COL23A1: variants seen among roughly 807,000 people sequenced by gnomAD.
The protein encoded by COL23A1 is collagen type XXIII alpha 1 chain.
In COL23A1, 97 loss-of-function variants were observed where a neutral mutation model predicts 99.3. The ratio of observed to expected loss-of-function variants is 0.98; its 90% confidence interval spans 0.83 to 1.16. The LOEUF (loss-of-function observed/expected upper bound fraction) is 1.16, where lower values mean the gene tolerates loss of function less well. Ranked by LOEUF, COL23A1 falls within the 50% of genes most tolerant of loss-of-function variation. COL23A1 has a pLI of 0.00. For missense variants in COL23A1, 762 were observed against 757.4 expected, an observed-to-expected ratio of 1.01 and a Z score of -0.07; for synonymous variants, 320 against 308.2, an observed-to-expected ratio of 1.04 and a Z score of -0.40.
chr5:178,249,057 A>G, intron 19 of COL23A1, 60 bp downstream of exon 19: 4 of 1,555,984 alleles, frequency 2.6e-6, no homozygotes, highest in Non-Finnish European at 3.5e-6. Context: ...CGGGGGGCAC[A>G]CAGTCACCTC....
intron 1 of COL23A1, among the ~76,000 whole-genome samples, chr5:178,562,441 C>G (rs1163950405): frequency 6.6e-6 from 1 of 150,802 alleles, no homozygotes; most frequent in Non-Finnish European, 1.5e-5. Flanking sequence ...GTAGTCCCAG[C>G]TTACCCCAGA....
intron 4 of COL23A1, among the ~76,000 whole-genome samples, chr5:178,288,776 G>T (rs2127584305): frequency 6.7e-6 from 1 of 149,828 alleles, no homozygotes; most frequent in East Asian, 2.1e-4. Flanking sequence ...AAGAAAGAGA[G>T]CCTTAGAAGC....
intron 2 of COL23A1, among the ~76,000 whole-genome samples, chr5:178,399,855 C>CA (rs1242303913): frequency 6.6e-6 from 1 of 152,194 alleles, no homozygotes; most frequent in Non-Finnish European, 1.5e-5. Context: ...ATTGTTCTCT[C>CA]AGTTAGAATA....
At chr5:178,536,174 C>T (rs1279325168) in intron 2 of COL23A1, among the ~76,000 whole-genome samples, 2 of 152,258 alleles carry the variant, frequency 1.3e-5, no homozygotes, top group Non-Finnish European at 2.9e-5. Context: ...GCCATTCCCA[C>T]AAGGTTGTCG....
chr5:178,421,941 T>G lies in COL23A1; in HGVS notation c.362-115022A>C, dbSNP rs529512068. The stretch of plus-strand genomic sequence containing the variant: ...TTGTGAGGTGAAGAACGCCGGGGGG[T>G]GGAGTGAATATGGGCGGGGCTGAGG... On this transcript the variant is annotated intron_variant, in intron 2 of 28. Coordinates refer to ENST00000390654, the MANE Select transcript of COL23A1 (RefSeq NM_173465.4). 1.3e-4 allele frequency among the ~76,000 whole-genome samples: 19 copies of G among 151,052 alleles called. 1 individual carries two copies. The highest frequency in any genetic ancestry group is 4.7e-4 in the African/African-American group (19 of 40,754).
intron 2 of COL23A1, among the ~76,000 whole-genome samples, chr5:178,400,406 T>C (rs1338814579): frequency 2.2e-5 from 3 of 136,636 alleles, no homozygotes; most frequent in East Asian, 4.4e-4. Context: ...TGGAATAAAA[T>C]GCATTCTTTT....
chr5:178,548,331 A>G (rs1761821478), intron 2 of COL23A1, among the ~76,000 whole-genome samples: 1 of 151,930 alleles, frequency 6.6e-6, no homozygotes, highest in South Asian at 2.1e-4. Flanking sequence ...TCCCACAGTC[A>G]TGCCAAAATT....
At chr5:178,400,769 C>T (rs980160870) in intron 2 of COL23A1, among the ~76,000 whole-genome samples, 1 of 152,030 alleles carries the variant, frequency 6.6e-6, no homozygotes, top group African/African-American at 2.4e-5. Context: ...TTCCAAGTAC[C>T]TGGGATTACA....
chr5:178,496,234 A>G (rs1281940242), intron 2 of COL23A1, among the ~76,000 whole-genome samples: 1 of 152,164 alleles, frequency 6.6e-6, no homozygotes, highest in African/African-American at 2.4e-5. Flanking sequence ...TCTCTGGGGA[A>G]ATGTCTTAGT....
At chr5:178,369,177 G>A (rs1762663149) in intron 2 of COL23A1, among the ~76,000 whole-genome samples, 1 of 152,328 alleles carries the variant, frequency 6.6e-6, no homozygotes, top group South Asian at 2.1e-4. Context: ...GCCTCAGGGA[G>A]GCTGGCTTGG....
intron 15 of COL23A1, 73 bp downstream of exon 15, chr5:178,256,280 G>C: frequency 8.8e-7 from 1 of 1,133,136 alleles, no homozygotes; most frequent in Non-Finnish European, 1.2e-6. Flanking sequence ...GTCTCTGTGG[G>C]GACAGGGGCT....
chr5:178,250,090 G>A lies in COL23A1; in HGVS notation c.1030C>T (p.Pro344Ser), dbSNP rs760031078. 6.2e-7 allele frequency: 1 copy of A among 1,614,174 alleles called. No homozygotes were observed. The highest frequency in any genetic ancestry group is 1.7e-5 in the Admixed American group (1 of 60,026). The change falls in exon 18 of 29, where the codon CCC becomes TCC. Residue 344 changes from proline to serine, a missense_variant. Physicochemically the swap from Pro to Ser is moderately conservative, Grantham distance 74. Coordinates refer to ENST00000390654, the MANE Select transcript of COL23A1 (RefSeq NM_173465.4). ...TCTCCATCGATTCCTGGGGCACCGG[G>A]CAATCCAAGCTCGCCCTGGAAGGGA... ...IPGAKGELGL[P>S]GAPGIDGEKG...
intron 2 of COL23A1, among the ~76,000 whole-genome samples, chr5:178,429,012 C>T (rs1766104365): frequency 6.6e-6 from 1 of 152,104 alleles, no homozygotes; most frequent in Admixed American, 6.5e-5. Context: ...TGCGGGTGTA[C>T]CTTCTTTTCT....
intron 2 of COL23A1, among the ~76,000 whole-genome samples, chr5:178,380,319 G>A (rs13171980): frequency 0.034 from 5,121 of 152,204 alleles, 124 homozygotes; most frequent in Non-Finnish European, 0.046. Context: ...ACACCAAGGC[G>A]GGGCCCAGCA....
intron 2 of COL23A1, among the ~76,000 whole-genome samples, chr5:178,521,188 C>A (rs1045665259): frequency 2.0e-5 from 3 of 152,208 alleles, no homozygotes; most frequent in African/African-American, 7.2e-5. Flanking sequence ...GGACCACCAT[C>A]ATATATGTGG....
At chr5:178,252,651 CG>C in intron 16 of COL23A1, 54 bp from the exon 17 acceptor site, 1 of 1,502,822 alleles carries the variant, frequency 6.7e-7, no homozygotes, top group Non-Finnish European at 9.1e-7. Context: ...GGCCTCCCTT[CG>C]CTACCCATCC....
chr5:178,311,087 G>C lies in COL23A1; in HGVS notation c.362-4168C>G, dbSNP rs961612727. Among the ~76,000 whole-genome samples, 62 of 152,252 alleles carry C rather than the reference G, an allele frequency of 4.1e-4. 1 individual carries two copies. Among genetic ancestry groups the C allele is most frequent in the African/African-American group, 1.4e-3 (60 of 41,572 alleles). ...GGCCACTGTCCCCCACTCTGCATGGGACCCACACGGCTCTGAGCTAGGGGC... is the reference window on the plus strand; with the variant it reads ...GGCCACTGTCCCCCACTCTGCATGGCACCCACACGGCTCTGAGCTAGGGGC... On this transcript the variant is annotated intron_variant, in intron 2 of 28. Transcript: ENST00000390654.
chr5:178,358,022 G>GTGTATGCGTATA (rs750201503), intron 2 of COL23A1, among the ~76,000 whole-genome samples: 2 of 148,460 alleles, frequency 1.3e-5, no homozygotes, highest in African/African-American at 2.5e-5. Flanking sequence ...GTGTATGTGT[G>GTGTATGCGTATA]TGTATGCGTA....
intron 2 of COL23A1, among the ~76,000 whole-genome samples, chr5:178,324,340 A>T (rs1759518529): frequency 6.6e-6 from 1 of 152,152 alleles, no homozygotes; most frequent in Non-Finnish European, 1.5e-5. Context: ...CTTTTACGAA[A>T]TATTTCCAGC....
Sources: gnomAD v4.1 joint callset for allele counts (sites outside exome capture counted in the v4.1 genomes callset) on GRCh38, gnomAD v4.1.1 for gene constraint, MANE v1.5 for transcripts, NCBI Gene and HGNC (gene_info 2026-07-23, HGNC 2026-07-21) for gene names.